The following CD300LD variants were observed in gnomAD, a reference collection of about 807,000 sequenced individuals.
The protein encoded by CD300LD is CD300 molecule like family member d, also known as CMRF35-like molecule 5.
A neutral mutation model predicts 20.3 loss-of-function variants in CD300LD; 18 were observed. That is an observed-to-expected ratio of 0.89 (90% CI 0.61 to 1.32). The LOEUF (loss-of-function observed/expected upper bound fraction) is 1.32, where lower values mean the gene tolerates loss of function less well. Among genes scored for constraint, CD300LD ranks in the 40% most tolerant of loss-of-function variants. CD300LD has a pLI of 0.00. For missense variants in CD300LD, 195 were observed against 226.6 expected (o/e 0.86, Z 0.90); for synonymous variants, 104 against 90.1 (o/e 1.15, Z -0.87).
At chr17:74,586,167 G>A (rs1421380446) in intron 2 of CD300LD, among the ~76,000 whole-genome samples, 2 of 152,192 alleles carry the variant, frequency 1.3e-5, no homozygotes, top group African/African-American at 4.8e-5. Flanking sequence ...ATGTGCACTG[G>A]CATCTGTGAG....
chr17:74,589,144 C>T (rs1296327488), intron 1 of CD300LD, among the ~76,000 whole-genome samples: 2 of 152,188 alleles, frequency 1.3e-5, no homozygotes, highest in African/African-American at 4.8e-5. Flanking sequence ...CTTTATATTC[C>T]AAGGAATGCT....
chr17:74,591,964 G>A, intron 1 of CD300LD, 199 bp downstream of exon 1: 1 of 1,461,364 alleles, frequency 6.8e-7, no homozygotes, highest in Non-Finnish European at 9.2e-7. Flanking sequence ...GTTTTGTTTT[G>A]TGTGTGTTTG....
At chr17:74,592,074 C>G in intron 1 of CD300LD, 89 bp downstream of exon 1, 6 of 1,612,022 alleles carry the variant, frequency 3.7e-6, no homozygotes, top group Non-Finnish European at 5.1e-6. Flanking sequence ...GTCATTTTCC[C>G]TGACATGTCT....
intron 2 of CD300LD, among the ~76,000 whole-genome samples, chr17:74,587,759 C>T (rs1335889526): frequency 6.6e-6 from 1 of 152,014 alleles, no homozygotes; most frequent in Non-Finnish European, 1.5e-5. Context: ...CTCTGGTTAC[C>T]AGGGAAGGGG....
intron 2 of CD300LD, among the ~76,000 whole-genome samples, chr17:74,586,269 A>G (rs1297450491): frequency 6.6e-6 from 1 of 152,224 alleles, no homozygotes; most frequent in East Asian, 1.9e-4. Flanking sequence ...AGCAATGGCT[A>G]ATTTAGTAGT....
chr17:74,585,789 A>G (rs1476545875), intron 2 of CD300LD, among the ~76,000 whole-genome samples: 2 of 152,232 alleles, frequency 1.3e-5, no homozygotes, highest in Non-Finnish European at 2.9e-5. Flanking sequence ...CTGCTAGTGC[A>G]TACCTGACAT....
At chr17:74,580,961 C>T (rs922388848) in intron 3 of CD300LD, among the ~76,000 whole-genome samples, 14 of 151,316 alleles carry the variant, frequency 9.3e-5, no homozygotes, top group South Asian at 2.1e-4. Flanking sequence ...TCCAGAATGC[C>T]GGATGAGCCC....
intron 3 of CD300LD, among the ~76,000 whole-genome samples, chr17:74,581,664 C>G (rs2030039180): frequency 6.6e-6 from 1 of 152,246 alleles, no homozygotes; most frequent in Non-Finnish European, 1.5e-5. Flanking sequence ...AAACTAGGAG[C>G]AGATGAGAGA....
chr17:74,587,148 T>TAA (rs2030182626), intron 2 of CD300LD, among the ~76,000 whole-genome samples: 1 of 139,986 alleles, frequency 7.1e-6, no homozygotes, highest in South Asian at 2.3e-4. Context: ...AAACTCCATC[T>TAA]CAAAAAAAAA....
Position 74,591,152 on chromosome 17 carries a change from A to T in CD300LD, c.40+1011T>A, listed in dbSNP as rs569338662. ...TTTGAAGCCAGGCATGGTGGCTCAC[A>T]CCTATAATCCCAGCACTTTGGGAGG... On this transcript the variant is annotated intron_variant, in intron 1 of 3. Transcript: ENST00000375352. 1.1e-4 allele frequency among the ~76,000 whole-genome samples: 17 copies of T among 151,656 alleles called. No individual in the cohort carries two copies. The South Asian group carries it at 3.5e-3, about 32-fold the overall frequency.
intron 1 of CD300LD, among the ~76,000 whole-genome samples, chr17:74,589,705 C>T (rs1251271550): frequency 6.6e-6 from 1 of 152,196 alleles, no homozygotes; most frequent in Non-Finnish European, 1.5e-5. Context: ...GCCAGAAATT[C>T]TTTAAATTCA....
chr17:74,588,863 AT>A lies in CD300LD; in HGVS notation c.41-15del, dbSNP rs768955031. 15 of 1,592,102 alleles carry A rather than the reference AT, an allele frequency of 9.4e-6. No homozygotes were observed. Among genetic ancestry groups the A allele is most frequent in the Non-Finnish European group, 1.3e-5 (15 of 1,163,824 alleles). On this transcript the variant is annotated splice_polypyrimidine_tract_variant and intron_variant, in intron 1 of 3. Coordinates refer to ENST00000375352, the MANE Select transcript of CD300LD (RefSeq NM_001115152.2). Reference sequence around the variant, plus strand: ...CAATGGAGTAACCTGGAAAACGCAAATTCATGTGTCGTCACCTCCCACCCCA... The same window carrying A: ...CAATGGAGTAACCTGGAAAACGCAAATCATGTGTCGTCACCTCCCACCCCA...
At position 74,579,927 on chromosome 17, in the gene CD300LD, G is replaced by T; in HGVS notation, c.*75C>A. ...GAGAAAAGAAAATGTTTTTTCTTCT[G>T]TGGGAGGGCCTTTCGCCCTGGACAG... is the stretch of plus-strand genomic sequence containing the variant. On this transcript the variant is annotated 3_prime_UTR_variant, in exon 4 of 4. Transcript: ENST00000375352. 4.8e-6 allele frequency: 4 copies of T among 837,760 alleles called. No homozygotes were observed. The highest frequency in any genetic ancestry group is 4.6e-5 in the Admixed American group (2 of 43,034). The allele number at this position is 837,760 out of a possible 1,614,324, so 51.9% of individuals were successfully genotyped here.
intron 3 of CD300LD, among the ~76,000 whole-genome samples, chr17:74,580,558 T>A (rs1719464): frequency 0.01 from 1,546 of 152,322 alleles, 33 homozygotes; most frequent in African/African-American, 0.036. Context: ...GACCTTGCTC[T>A]GACCCTCTTC....
intron 1 of CD300LD, 29 bp from the exon 2 acceptor site, chr17:74,588,878 C>A: frequency 6.5e-7 from 1 of 1,542,454 alleles, no homozygotes; most frequent in South Asian, 1.2e-5. Context: ...TGTGTCGTCA[C>A]CTCCCACCCC....
At chr17:74,582,554 G>A (rs1203366899) in intron 2 of CD300LD, among the ~76,000 whole-genome samples, 3 of 152,254 alleles carry the variant, frequency 2.0e-5, no homozygotes, top group African/African-American at 7.2e-5. Flanking sequence ...GCATGGCACA[G>A]CTTAGCACAC....
At chr17:74,583,489 A>C (rs911643358) in intron 2 of CD300LD, among the ~76,000 whole-genome samples, 6 of 152,234 alleles carry the variant, frequency 3.9e-5, no homozygotes, top group Admixed American at 3.9e-4. Context: ...TCCAGCCTCC[A>C]GAACTATGAG....
chr17:74,591,101 T>A (rs1427330920), intron 1 of CD300LD, among the ~76,000 whole-genome samples: 1 of 151,494 alleles, frequency 6.6e-6, no homozygotes, highest in Non-Finnish European at 1.5e-5. Context: ...GGAGAATATA[T>A]CTGAAAATTG....
At chr17:74,591,249 A>AC (rs2030305427) in intron 1 of CD300LD, among the ~76,000 whole-genome samples, 1 of 102,686 alleles carries the variant, frequency 9.7e-6, no homozygotes, top group Non-Finnish European at 2.3e-5. Context: ...CCTCATCTCT[A>AC]CAAAAAAAAA....
Sources: allele counts gnomAD v4.1 joint callset (sites outside exome capture counted in the v4.1 genomes callset), GRCh38; gene constraint gnomAD v4.1.1; transcripts MANE v1.5; gene names NCBI Gene and HGNC (gene_info 2026-07-23, HGNC 2026-07-21).